DPY19L3: variants seen among roughly 807,000 people sequenced by gnomAD.
The protein encoded by DPY19L3 is dpy-19 like C-mannosyltransferase 3, also known as protein C-mannosyl-transferase DPY19L3.
DPY19L3 carries 51 observed loss-of-function variants against 92.3 expected under a neutral mutation model. That is an observed-to-expected ratio of 0.55 (90% CI 0.44 to 0.70). The LOEUF (loss-of-function observed/expected upper bound fraction) is 0.70, where lower values mean the gene tolerates loss of function less well. Among genes scored for constraint, DPY19L3 ranks in the 30% least tolerant of loss-of-function variants. DPY19L3 has a pLI of 0.00. For missense variants in DPY19L3, 706 were observed against 855.9 expected (o/e 0.82, Z 2.18); for synonymous variants, 309 against 315.2 (o/e 0.98, Z 0.21).
chr19:32,452,983 A>G (rs1480640488), intron 8 of DPY19L3, among the ~76,000 whole-genome samples, 162 bp from the exon 9 acceptor site: 1 of 151,890 alleles, frequency 6.6e-6, no homozygotes. Context: ...CTGAGATTAC[A>G]GATGTGAGCC....
rs118051670 is a variant in DPY19L3, at chr19:32,457,740, T to A, written c.1090-360T>A. 2.5e-4 allele frequency among the ~76,000 whole-genome samples: 38 copies of A among 152,276 alleles called. No individual in the cohort carries two copies. In the East Asian group the frequency reaches 7.3e-3, roughly 29 times the overall value. The stretch of plus-strand genomic sequence containing the variant: ...TGTGGGCGGTGTATCTATTTGAGGT[T>A]TCAGATCATCGTCTTGTCAGTTTTC... On this transcript the variant is annotated intron_variant, in intron 10 of 18. Transcript: ENST00000392250.
chr19:32,477,743 G>T, intron 17 of DPY19L3, 89 bp downstream of exon 17: 1 of 1,525,106 alleles, frequency 6.6e-7, no homozygotes, highest in Non-Finnish European at 8.9e-7. Flanking sequence ...GCTGAATGCT[G>T]CACCCTCCAG....
chr19:32,477,431 G>A, intron 16 of DPY19L3, 91 bp from the exon 17 acceptor site: 1 of 1,519,358 alleles, frequency 6.6e-7, no homozygotes, highest in Non-Finnish European at 9.0e-7. Context: ...TAACATAGCT[G>A]GATTCTTCTG....
At chr19:32,482,046 C>T in intron 18 of DPY19L3, 33 bp from the exon 19 acceptor site, 1 of 1,599,704 alleles carries the variant, frequency 6.3e-7, no homozygotes, top group Non-Finnish European at 8.5e-7. Flanking sequence ...GAATTTTCCC[C>T]CCAAATTGTA....
At position 32,411,388 on chromosome 19, in the gene DPY19L3, G is replaced by C; in HGVS notation, c.237+16G>C. 6.2e-7 allele frequency: 1 copy of C among 1,613,696 alleles called. No individual in the cohort carries two copies. The highest frequency in any genetic ancestry group is 8.5e-7 in the Non-Finnish European group (1 of 1,179,900). On this transcript the variant is annotated intron_variant, in intron 3 of 18. Transcript: ENST00000392250. ...TAATATTAAGGTATGGAGTTTCTTTGACCATTGTATCATTCACTCAGTGGG... is the reference window on the plus strand; with the variant it reads ...TAATATTAAGGTATGGAGTTTCTTTCACCATTGTATCATTCACTCAGTGGG...
At chr19:32,450,965 G>C (rs969143219) in intron 8 of DPY19L3, among the ~76,000 whole-genome samples, 6 of 152,152 alleles carry the variant, frequency 3.9e-5, no homozygotes, top group Admixed American at 3.9e-4. Flanking sequence ...TTATTCATCA[G>C]TTCCTCCAAT....
At chr19:32,448,073 C>T (rs553303331) in intron 8 of DPY19L3, among the ~76,000 whole-genome samples, 9 of 151,996 alleles carry the variant, frequency 5.9e-5, no homozygotes, top group East Asian at 1.9e-4. Context: ...GTACGTGTAA[C>T]GAAACCGTAC....
At chr19:32,470,119 A>G (rs1970313285) in intron 16 of DPY19L3, among the ~76,000 whole-genome samples, 1 of 152,226 alleles carries the variant, frequency 6.6e-6, no homozygotes, top group African/African-American at 2.4e-5. Context: ...CTAATGTCGG[A>G]CTGGGTTTGA....
chr19:32,477,064 G>T (rs929118029), intron 16 of DPY19L3, among the ~76,000 whole-genome samples: 4 of 152,072 alleles, frequency 2.6e-5, no homozygotes, highest in African/African-American at 9.7e-5. Context: ...CAAAGCAGTG[G>T]CAGTCTTTTA....
At chr19:32,456,941 G>A (rs1020013509) in intron 10 of DPY19L3, among the ~76,000 whole-genome samples, 3 of 152,138 alleles carry the variant, frequency 2.0e-5, no homozygotes, top group Admixed American at 1.3e-4. Context: ...TGGGAGGATC[G>A]CCTGAGGCTA....
chr19:32,441,686 C>T (rs768002502), intron 8 of DPY19L3, among the ~76,000 whole-genome samples: 1 of 151,990 alleles, frequency 6.6e-6, no homozygotes, highest in Non-Finnish European at 1.5e-5. Flanking sequence ...TTAGTAGAGA[C>T]AGGGTTTTGC....
At chr19:32,456,648 G>T (rs1376793083) in intron 10 of DPY19L3, among the ~76,000 whole-genome samples, 1 of 151,806 alleles carries the variant, frequency 6.6e-6, no homozygotes, top group Non-Finnish European at 1.5e-5. Context: ...TGCCCAGGCT[G>T]GTCTCAAACA....
At chr19:32,466,765 G>A (rs1479127686) in intron 15 of DPY19L3, among the ~76,000 whole-genome samples, 1 of 152,220 alleles carries the variant, frequency 6.6e-6, no homozygotes, top group African/African-American at 2.4e-5. Context: ...CTTGATACAG[G>A]AGTTTAGGAG....
intron 12 of DPY19L3, among the ~76,000 whole-genome samples, chr19:32,460,628 C>T (rs1371901443): frequency 6.6e-6 from 1 of 152,098 alleles, no homozygotes; most frequent in Non-Finnish European, 1.5e-5. Flanking sequence ...GTGCTATGAC[C>T]TTATAATGGC....
At chr19:32,413,211 G>C (rs982762343) in intron 3 of DPY19L3, 3 of 152,074 alleles carry the variant, frequency 2.0e-5, no homozygotes, top group African/African-American at 7.2e-5. Flanking sequence ...AAGAATGTTC[G>C]AAAGAAGTGA....
chr19:32,482,240 G>T lies in DPY19L3; in HGVS notation c.2151G>T (p.Ter717TyrextTer10). 1 of 1,609,594 alleles carries T rather than the reference G, an allele frequency of 6.2e-7. No homozygotes were observed. Among genetic ancestry groups the T allele is most frequent in the Admixed American group, 1.7e-5 (1 of 58,832 alleles). Reference sequence around the variant, plus strand: ...TTTACAAGCTGTCCAGAAACAAGTAGCGCAGATTTCTGCCCAGTGTCTATT... The same window carrying T: ...TTTACAAGCTGTCCAGAAACAAGTATCGCAGATTTCTGCCCAGTGTCTATT... The part of the protein sequence containing the change: ...FHVYKLSRNK[*>Y] The change falls in exon 19 of 19, where the codon TAG becomes TAT. Residue 717 changes from the stop codon to tyrosine (Y), a stop_lost. Transcript: ENST00000392250.
intron 16 of DPY19L3, 39 bp from the exon 17 acceptor site, chr19:32,477,483 C>CT (rs1970546547): frequency 6.2e-7 from 1 of 1,613,060 alleles, no homozygotes; most frequent in Non-Finnish European, 8.5e-7. Context: ...TTAAGGATCT[C>CT]TTAACAGTGG....
chr19:32,441,561 G>A (rs138241461), intron 8 of DPY19L3, among the ~76,000 whole-genome samples: 3,432 of 148,468 alleles, frequency 0.023, 296 homozygotes, highest in Admixed American at 0.16. Flanking sequence ...GCAGTGGCGC[G>A]ATCTTGGCTC....
intron 3 of DPY19L3, among the ~76,000 whole-genome samples, chr19:32,428,309 T>A (rs1216095194): frequency 2.0e-5 from 3 of 152,126 alleles, no homozygotes; most frequent in Non-Finnish European, 4.4e-5. Flanking sequence ...GTTCTTGTTT[T>A]TTTAAACATG....
Sources: gnomAD v4.1 joint callset for allele counts (sites outside exome capture counted in the v4.1 genomes callset) on GRCh38, gnomAD v4.1.1 for gene constraint, MANE v1.5 for transcripts, NCBI Gene and HGNC (gene_info 2026-07-23, HGNC 2026-07-21) for gene names.